The following APP variants were observed in gnomAD, a reference collection of about 807,000 sequenced individuals.
APP encodes amyloid beta precursor protein.
APP carries 31 observed loss-of-function variants against 101.4 expected under a neutral mutation model. That is an observed-to-expected ratio of 0.31 (90% CI 0.23 to 0.41). APP has a LOEUF of 0.41. APP is among the 10% of genes least tolerant of loss of function. The pLI is 1.00. For synonymous variants in APP, 366 were observed against 364.4 expected, an observed-to-expected ratio of 1.00 and a Z score of -0.05; for missense variants, 839 against 1,003.7, an observed-to-expected ratio of 0.84 and a Z score of 2.22.
chr21:25,990,611 A>T (rs2042821410), intron 8 of APP, among the ~76,000 whole-genome samples: 1 of 152,222 alleles, frequency 6.6e-6, no homozygotes, highest in African/African-American at 2.4e-5. Flanking sequence ...AATATTGTCC[A>T]GTTTCATATA....
At chr21:25,979,839 G>GA (rs56021424) in intron 9 of APP, among the ~76,000 whole-genome samples, 151,936 of 151,936 alleles carry the variant, frequency 1, 75,968 homozygotes, top group Non-Finnish European at 1. Flanking sequence ...GTGGGTCCAC[G>GA]ATGAATGCAG....
At chr21:26,130,551 G>C (rs1249831664) in intron 1 of APP, among the ~76,000 whole-genome samples, 1 of 152,236 alleles carries the variant, frequency 6.6e-6, no homozygotes, top group Non-Finnish European at 1.5e-5. Flanking sequence ...CCAGCACTGA[G>C]AATCAAGTTC....
chr21:26,141,872 C>T (rs1302195136), intron 1 of APP, among the ~76,000 whole-genome samples: 1 of 152,158 alleles, frequency 6.6e-6, no homozygotes, highest in African/African-American at 2.4e-5. Context: ...TTCAGAAAGG[C>T]AATGAATTGC....
intron 1 of APP, among the ~76,000 whole-genome samples, chr21:26,116,062 A>C (rs777034150): frequency 2.0e-5 from 3 of 152,198 alleles, no homozygotes; most frequent in Admixed American, 2.0e-4. Context: ...TTGTAAACTG[A>C]ATGACTTGCC....
intron 1 of APP, chr21:26,158,006 AAGAC>A (rs2063410448): frequency 6.6e-6 from 1 of 152,202 alleles, no homozygotes; most frequent in Non-Finnish European, 1.5e-5. Flanking sequence ...GATCAAACGA[AAGAC>A]AGTTAACCAA....
chr21:25,971,953 T>C (rs982095813), intron 11 of APP, among the ~76,000 whole-genome samples: 1 of 152,180 alleles, frequency 6.6e-6, no homozygotes, highest in African/African-American at 2.4e-5. Context: ...CAAAAACACC[T>C]AGCATTCAAC....
intron 2 of APP, among the ~76,000 whole-genome samples, chr21:26,102,246 G>A (rs529412517): frequency 4.0e-5 from 6 of 151,878 alleles, no homozygotes; most frequent in Admixed American, 2.0e-4. Flanking sequence ...CCACCACCAC[G>A]CCCGGCAAAT....
In APP at chr21:25,933,375, C is replaced by T. The variant is rs2040227785; in HGVS notation, c.1687+21215G>A. ...ACCTCGGCCTTCCCAAGTGCTGGGA[C>T]TATAGGTGTAAGCCATCGTGCCCAG... is the stretch of plus-strand genomic sequence containing the variant. On this transcript the variant is annotated intron_variant, in intron 13 of 17. Transcript: ENST00000346798. Among the ~76,000 whole-genome samples, 2 of 152,218 alleles carry T rather than the reference C, an allele frequency of 1.3e-5. 1 individual carries two copies. The highest frequency in any genetic ancestry group is 4.1e-4 in the South Asian group (2 of 4,836).
intron 11 of APP, among the ~76,000 whole-genome samples, chr21:25,958,698 T>TA (rs1184421799): frequency 7.9e-5 from 12 of 152,248 alleles, no homozygotes; most frequent in African/African-American, 2.9e-4. Flanking sequence ...TGTTCAGTGA[T>TA]AGTTACCCAG....
intron 15 of APP, among the ~76,000 whole-genome samples, chr21:25,900,377 A>C (rs11087983): frequency 1.1e-5 from 1 of 93,224 alleles, no homozygotes; most frequent in African/African-American, 4.8e-5. Context: ...TACTAAAAAT[A>C]CAAAAAAAAA....
At chr21:26,134,534 G>A (rs2062856667) in intron 1 of APP, among the ~76,000 whole-genome samples, 1 of 152,216 alleles carries the variant, frequency 6.6e-6, no homozygotes, top group Non-Finnish European at 1.5e-5. Context: ...GGGGTGAGGT[G>A]CGGCTGAAGA....
chr21:26,046,483 C>T (rs141916921), intron 5 of APP, among the ~76,000 whole-genome samples: 82 of 147,940 alleles, frequency 5.5e-4, no homozygotes, highest in Non-Finnish European at 8.4e-4. Flanking sequence ...AAATAAGACA[C>T]GGTCAAAAGG....
At chr21:26,097,559 G>C (rs898921756) in intron 2 of APP, among the ~76,000 whole-genome samples, 1 of 84 alleles carries the variant, frequency 0.012, no homozygotes, top group Non-Finnish European at 0.025. Flanking sequence ...GTTCTTCCAA[G>C]TAGATATGGA....
chr21:25,905,347 A>G (rs1379849965), intron 14 of APP, among the ~76,000 whole-genome samples: 1 of 152,162 alleles, frequency 6.6e-6, no homozygotes, highest in African/African-American at 2.4e-5. Flanking sequence ...GCAACATCAA[A>G]GAAGAGGGGT....
At chr21:25,884,408 T>A (rs2037189150) in intron 17 of APP, among the ~76,000 whole-genome samples, 1 of 152,176 alleles carries the variant, frequency 6.6e-6, no homozygotes, top group Admixed American at 6.5e-5. Context: ...TCACTGTCCT[T>A]CTGGGAGCAA....
At chr21:26,038,745 CAG>C (rs747826281) in intron 5 of APP, among the ~76,000 whole-genome samples, 4 of 152,258 alleles carry the variant, frequency 2.6e-5, no homozygotes, top group East Asian at 3.9e-4. Context: ...GTCTGGGCGA[CAG>C]AGTCTTAAAC....
At position 25,905,014 on chromosome 21, in the gene APP, G is replaced by A. The variant is rs201884382; in HGVS notation, c.1963+10C>T. The A allele has an allele frequency of 6.2e-7, 1 of 1,613,448 alleles. No individual in the cohort carries two copies. Among genetic ancestry groups the A allele is most frequent in the Non-Finnish European group, 8.5e-7 (1 of 1,179,626 alleles). ...GATGCGGAGAGGCACAAGTCAAGCG[G>A]TTCTGATACCTGGTCGAGTGGTCAG... On this transcript the variant is annotated intron_variant, in intron 15 of 17. Transcript: ENST00000346798.
chr21:26,093,923 G>A (rs2061883031), intron 2 of APP, among the ~76,000 whole-genome samples: 1 of 152,178 alleles, frequency 6.6e-6, no homozygotes, highest in African/African-American at 2.4e-5. Flanking sequence ...AGACCATCCT[G>A]GCCAACATGG....
chr21:25,883,556 A>T (rs2146201469), intron 17 of APP, among the ~76,000 whole-genome samples: 1 of 152,024 alleles, frequency 6.6e-6, no homozygotes, highest in East Asian at 1.9e-4. Context: ...AGCCAGGCAC[A>T]GTAGCACGTG....
Sources: gnomAD v4.1 joint callset for allele counts (sites outside exome capture counted in the v4.1 genomes callset) on GRCh38, gnomAD v4.1.1 for gene constraint, MANE v1.5 for transcripts, NCBI Gene and HGNC (gene_info 2026-07-23, HGNC 2026-07-21) for gene names.